Variants in SDK1 observed in about 807,000 individuals in gnomAD.
SDK1 encodes the protein sidekick cell adhesion molecule 1.
Under a neutral mutation model 245.5 loss-of-function variants are expected in SDK1, and 157 were observed. The observed-to-expected ratio is 0.64, with a 90% CI of 0.56 to 0.73. SDK1 has a LOEUF of 0.73. Among genes scored for constraint, SDK1 ranks in the 30% least tolerant of loss-of-function variants. The pLI is 0.00. For synonymous variants in SDK1, 1,647 were observed against 1,278.5 expected, an observed-to-expected ratio of 1.29 and a Z score of -6.15; for missense variants, 3,583 against 3,002.3, an observed-to-expected ratio of 1.19 and a Z score of -4.52.
intron 25 of SDK1, among the ~76,000 whole-genome samples, chr7:4,117,124 C>G: frequency 6.6e-6 from 1 of 152,326 alleles, no homozygotes; most frequent in South Asian, 2.1e-4. Flanking sequence ...AGAATTAAAA[C>G]TTCTGCCATA....
At chr7:3,714,323 T>C (rs1282072747) in intron 4 of SDK1, among the ~76,000 whole-genome samples, 1 of 152,200 alleles carries the variant, frequency 6.6e-6, no homozygotes, top group Non-Finnish European at 1.5e-5. Context: ...ATCATTACTA[T>C]TCTTAGAATT....
rs182170380 is a variant in SDK1, at chr7:3,764,568, G to C, written c.714-56882G>C. 2.0e-3 allele frequency among the ~76,000 whole-genome samples: 299 copies of C among 152,200 alleles called. 1 individual carries two copies. Among genetic ancestry groups the C allele is most frequent in the African/African-American group, 6.9e-3 (286 of 41,526 alleles). On this transcript the variant is annotated intron_variant, in intron 4 of 44. Transcript: ENST00000404826. ...GGGCATGGTGGCCCTTGTAATCCCA[G>C]CTAATTGGGAGGCTGAGGCAAGAGA... is the stretch of plus-strand genomic sequence containing the variant.
At chr7:4,164,953 T>C (rs575563146) in intron 32 of SDK1, among the ~76,000 whole-genome samples, 2 of 152,260 alleles carry the variant, frequency 1.3e-5, no homozygotes, top group Admixed American at 1.3e-4. Context: ...ATGAGTAATT[T>C]ACTGCATTAG....
At chr7:4,175,858 C>CCCATGCCGCGAGGCA (rs768253371) in intron 34 of SDK1, 24 bp downstream of exon 34, 24 of 1,604,426 alleles carry the variant, frequency 1.5e-5, no homozygotes, top group Non-Finnish European at 2.0e-5. Context: ...CAGCGGGAGG[C>CCCATGCCGCGAGGCA]CCATGCCGCG....
chr7:3,333,653 C>T (rs1338327009), intron 1 of SDK1, among the ~76,000 whole-genome samples: 2 of 152,176 alleles, frequency 1.3e-5, no homozygotes, highest in East Asian at 3.8e-4. Flanking sequence ...ACGCCCTACC[C>T]TTCCCTTCTC....
At position 4,158,520 on chromosome 7, in the gene SDK1, A is replaced by G; in HGVS notation, c.4698A>G (p.Ser1566=). The G allele has an allele frequency of 6.2e-7, 1 of 1,613,788 alleles. No individual in the cohort carries two copies. Residue 1566 remains serine (S), a synonymous_variant, in exon 31 of 45, where the codon TCA becomes TCG. Transcript: ENST00000404826. ...TNDIGDSDFS[S]ETEAVTTLQD... ...ACATTGGGGACAGTGACTTCAGTTC[A>G]GAGACAGAGGCGGTGACCACGCTGC... is the stretch of plus-strand genomic sequence containing the variant.
intron 1 of SDK1, among the ~76,000 whole-genome samples, chr7:3,550,505 C>G (rs1419069001): frequency 8.5e-5 from 13 of 152,264 alleles, no homozygotes; most frequent in African/African-American, 3.1e-4. Flanking sequence ...GCTGGGTGCT[C>G]ATTGCTGCTC....
intron 4 of SDK1, among the ~76,000 whole-genome samples, chr7:3,736,415 C>T (rs1188442199): frequency 3.3e-5 from 5 of 152,218 alleles, no homozygotes; most frequent in East Asian, 1.9e-4. Flanking sequence ...GCCTCAGCCT[C>T]CCAAGTAGCT....
chr7:4,119,684 G>T (rs1434359843), intron 25 of SDK1, among the ~76,000 whole-genome samples: 1 of 149,026 alleles, frequency 6.7e-6, no homozygotes, highest in Non-Finnish European at 1.5e-5. Context: ...GACCATCTGG[G>T]CAATCAACAG....
intron 9 of SDK1, 127 bp from the exon 10 acceptor site, chr7:3,967,191 A>T: frequency 1.4e-6 from 1 of 732,370 alleles, no homozygotes; most frequent in Non-Finnish European, 2.4e-6. Flanking sequence ...CCTGAACAGT[A>T]TTCCTTTTGT....
intron 17 of SDK1, among the ~76,000 whole-genome samples, chr7:4,039,975 C>T (rs1335446942): frequency 6.6e-6 from 1 of 152,064 alleles, no homozygotes; most frequent in Non-Finnish European, 1.5e-5. Flanking sequence ...TAAGAAGCGC[C>T]CCCACATGCT....
chr7:4,182,438 T>G (rs1782652847), intron 35 of SDK1, among the ~76,000 whole-genome samples: 1 of 152,174 alleles, frequency 6.6e-6, no homozygotes, highest in Non-Finnish European at 1.5e-5. Context: ...AATACCTTTG[T>G]CATTCGGGCA....
intron 1 of SDK1, among the ~76,000 whole-genome samples, chr7:3,407,780 T>C (rs1779092268): frequency 6.6e-6 from 1 of 152,216 alleles, no homozygotes; most frequent in African/African-American, 2.4e-5. Flanking sequence ...TAAGAATTTG[T>C]CCTTCTCCTC....
intron 1 of SDK1, among the ~76,000 whole-genome samples, chr7:3,308,173 A>G (rs1225010258): frequency 6.6e-6 from 1 of 152,164 alleles, no homozygotes; most frequent in Non-Finnish European, 1.5e-5. Context: ...ATTTGGAGAA[A>G]TAAATTTTCT....
intron 4 of SDK1, among the ~76,000 whole-genome samples, chr7:3,723,943 TAGAGAGAG>T (rs542853903): frequency 0.021 from 1,882 of 89,668 alleles, 128 homozygotes; most frequent in African/African-American, 0.055. Context: ...TATATATATA[TAGAGAGAG>T]AGAGAGAGAG....
chr7:4,178,682 G>C, intron 35 of SDK1, 96 bp downstream of exon 35: 1 of 841,128 alleles, frequency 1.2e-6, no homozygotes, highest in South Asian at 1.4e-5. Flanking sequence ...GTGTCCAGCA[G>C]CGTTCTTTCT....
At chr7:3,999,249 A>C (rs984140220) in intron 14 of SDK1, among the ~76,000 whole-genome samples, 2 of 152,146 alleles carry the variant, frequency 1.3e-5, no homozygotes, top group Non-Finnish European at 2.9e-5. Flanking sequence ...TCCCTTGGGT[A>C]CAGAGCACAG....
chr7:3,899,227 T>C lies in SDK1; in HGVS notation c.848-51696T>C, dbSNP rs541044648. On this transcript the variant is annotated intron_variant, in intron 5 of 44. Transcript: ENST00000404826. Reference sequence around the variant, plus strand: ...CCATGCTCTTCTTAATATATGAGTATGTATCACCCTCAGTCTCCCTACAGA... The same window carrying C: ...CCATGCTCTTCTTAATATATGAGTACGTATCACCCTCAGTCTCCCTACAGA... Among the ~76,000 whole-genome samples the C allele has an allele frequency of 2.0e-5, 3 of 152,340 alleles. No homozygotes were observed. In the East Asian group the frequency reaches 5.8e-4, roughly 29 times the overall value.
chr7:4,181,084 C>G (rs1447861193), intron 35 of SDK1, among the ~76,000 whole-genome samples: 1 of 152,214 alleles, frequency 6.6e-6, no homozygotes, highest in Admixed American at 6.5e-5. Flanking sequence ...AATCCCATAC[C>G]TATGAAGCAG....
Sources: gnomAD v4.1 joint callset for allele counts (sites outside exome capture counted in the v4.1 genomes callset) on GRCh38, gnomAD v4.1.1 for gene constraint, MANE v1.5 for transcripts, NCBI Gene and HGNC (gene_info 2026-07-23, HGNC 2026-07-21) for gene names.